Variants in IL13RA2 observed in about 807,000 individuals in gnomAD.
IL13RA2 encodes interleukin 13 receptor subunit alpha 2.
IL13RA2 carries 25 observed loss-of-function variants against 34.1 expected under a neutral mutation model. The observed-to-expected ratio is 0.73, with a 90% CI of 0.53 to 1.03. The LOEUF (loss-of-function observed/expected upper bound fraction) is 1.03. Ranked by LOEUF, IL13RA2 falls within the 50% of genes least tolerant of loss-of-function variation. The pLI is 0.00. For missense variants in IL13RA2, 297 were observed against 280.9 expected, an observed-to-expected ratio of 1.06 and a Z score of -0.41; for synonymous variants, 106 against 100.4, an observed-to-expected ratio of 1.06 and a Z score of -0.33.
intron 4 of IL13RA2, among the ~76,000 whole-genome samples, 193 bp from the exon 5 acceptor site, chrX:115,014,082 G>C (rs1556509250): frequency 8.9e-6 from 1 of 111,845 alleles, no homozygotes; most frequent in African/African-American, 3.2e-5. Context: ...AAAAACATTT[G>C]AGGGCTCATT....
Position 115,009,617 on chromosome X carries a change from A to G in IL13RA2, c.756T>C (p.Cys252=). The change falls in exon 7 of 10, where the codon TGT becomes TGC. Residue 252 remains cysteine, a synonymous_variant. Transcript: ENST00000243213. ...VYLTFTRESS[C]EIKLKWSIPL... ...GTATGCTCCATTTCAGCTTAATTTCACATGAACTCTCCCGAGTAAAAGTAA... is the reference window on the plus strand; with the variant it reads ...GTATGCTCCATTTCAGCTTAATTTCGCATGAACTCTCCCGAGTAAAAGTAA... The G allele has an allele frequency of 8.3e-7, 1 of 1,203,021 alleles. No homozygotes were observed. The highest frequency in any genetic ancestry group is 1.8e-5 in the South Asian group (1 of 56,719).
chrX:115,009,716 C>T (rs782009386), intron 6 of IL13RA2, 50 bp from the exon 7 acceptor site: 2 of 1,111,338 alleles, frequency 1.8e-6, no homozygotes, highest in Non-Finnish European at 1.2e-6. Flanking sequence ...TGAAGTTTAG[C>T]AGTAGCCTTT....
intron 7 of IL13RA2, 59 bp from the exon 8 acceptor site, chrX:115,008,135 T>C: frequency 1.4e-6 from 1 of 733,963 alleles, no homozygotes; most frequent in Non-Finnish European, 2.1e-6. Flanking sequence ...CTAGACAGAT[T>C]CCATATCTGT....
At chrX:115,012,619 G>A (rs1272619487) in intron 5 of IL13RA2, among the ~76,000 whole-genome samples, 2 of 111,031 alleles carry the variant, frequency 1.8e-5, no homozygotes, top group East Asian at 5.6e-4. Context: ...GCAAAAGTTA[G>A]CCAGGTGTGG....
At chrX:115,008,667 T>C (rs781878426) in intron 7 of IL13RA2, among the ~76,000 whole-genome samples, 1 of 111,973 alleles carries the variant, frequency 8.9e-6, no homozygotes, top group African/African-American at 3.2e-5. Context: ...GCTACAGTTA[T>C]GAGACTATCT....
At chrX:115,015,647 C>T (rs372420960) in intron 3 of IL13RA2, 23 bp downstream of exon 3, 15 of 1,179,437 alleles carry the variant, frequency 1.3e-5, no homozygotes, top group African/African-American at 1.1e-4. Context: ...CACTCTGATA[C>T]GGCAAATGCA....
intron 5 of IL13RA2, among the ~76,000 whole-genome samples, chrX:115,013,397 G>C (rs948379175): frequency 9.0e-6 from 1 of 111,316 alleles, no homozygotes; most frequent in Non-Finnish European, 1.9e-5. Context: ...AAGCTTCAGT[G>C]ACAGTTAACA....
At chrX:115,015,540 CG>C (rs2071723375) in intron 3 of IL13RA2, 129 bp downstream of exon 3, 3 of 532,155 alleles carry the variant, frequency 5.6e-6, no homozygotes, top group Non-Finnish European at 9.7e-6. Context: ...GAGACAGAAG[CG>C]GGTGTGGAAG....
chrX:115,014,412 T>G lies in IL13RA2; in HGVS notation c.400+9A>C, dbSNP rs2071718361. 8.7e-7 allele frequency: 1 copy of G among 1,153,862 alleles called. No individual in the cohort carries two copies. Among genetic ancestry groups the G allele is most frequent in the Non-Finnish European group, 1.2e-6 (1 of 852,608 alleles). ...AGTATTAAATATGAAAAGAGAGCTT[T>G]GTTTTAACCTTGTGGTGATATCCAA... is the stretch of plus-strand genomic sequence containing the variant. On this transcript the variant is annotated intron_variant, in intron 4 of 9. Transcript: ENST00000243213.
intron 6 of IL13RA2, among the ~76,000 whole-genome samples, chrX:115,010,210 T>G (rs1390147130): frequency 9.0e-6 from 1 of 111,194 alleles, no homozygotes; most frequent in Non-Finnish European, 1.9e-5. Flanking sequence ...AACCCAGGTC[T>G]GGCAGACTCT....
rs1039627101 is a variant in IL13RA2 at position 115,016,927 on chromosome X, G to A, written c.94+249C>T. On this transcript the variant is annotated intron_variant, in intron 2 of 9. Transcript: ENST00000243213. ...TAAAAAAGACTATACAAAAAGGTAT[G>A]GAGAGTGTTTTTAATTTGGCATTTA... 1.1e-4 allele frequency among the ~76,000 whole-genome samples: 12 copies of A among 110,106 alleles called. No individual in the cohort carries two copies. The Admixed American group carries it at 1.2e-3, about 11-fold the overall frequency.
At chrX:115,009,995 A>G (rs1184487655) in intron 6 of IL13RA2, among the ~76,000 whole-genome samples, 1 of 111,995 alleles carries the variant, frequency 8.9e-6, no homozygotes, top group Non-Finnish European at 1.9e-5. Flanking sequence ...CAATACTACT[A>G]CTTTTACAAA....
intron 7 of IL13RA2, among the ~76,000 whole-genome samples, chrX:115,008,797 C>G (rs1556508223): frequency 1.8e-5 from 2 of 111,816 alleles, no homozygotes; most frequent in Non-Finnish European, 3.8e-5. Context: ...CATAACTTAT[C>G]TTAGGAATCA....
rs1556506977 is a variant in IL13RA2, at chrX:115,004,035, T to C, written c.*45A>G. ...CTCATATTGAACATTTGGCCATGAC[T>C]GGAAACTGTTGAGTCAATACCATGT... On this transcript the variant is annotated 3_prime_UTR_variant, in exon 10 of 10. Transcript: ENST00000243213. 2.5e-6 allele frequency: 2 copies of C among 805,327 alleles called. No individual in the cohort carries two copies. The highest frequency in any genetic ancestry group is 2.5e-5 in the Admixed American group (1 of 40,054). 66.4% of individuals were successfully genotyped at this position (805,327 alleles called of 1,213,427 possible).
At position 115,007,040 on chromosome X, in the gene IL13RA2, T is replaced by C. The variant is rs1205394629; in HGVS notation, c.997+892A>G. Among the ~76,000 whole-genome samples, 3 of 111,991 alleles carry C rather than the reference T, an allele frequency of 2.7e-5. No individual in the cohort carries two copies. In the Admixed American group the frequency reaches 2.8e-4, roughly 11 times the overall value. On this transcript the variant is annotated intron_variant, in intron 8 of 9. Transcript: ENST00000243213. ...CGTTTATTGCCTATCTCTACCCAAT[T>C]GGAAATAAAATGTAAGTTCACTGAG...
intron 7 of IL13RA2, among the ~76,000 whole-genome samples, chrX:115,008,369 T>C (rs1024882278): frequency 8.9e-6 from 1 of 111,740 alleles, no homozygotes; most frequent in South Asian, 3.8e-4. Flanking sequence ...TTGGTGTTTA[T>C]AACACCCAGT....
intron 5 of IL13RA2, 142 bp from the exon 6 acceptor site, chrX:115,010,970 A>G: frequency 6.2e-6 from 2 of 324,686 alleles, no homozygotes; most frequent in Non-Finnish European, 1.1e-5. Flanking sequence ...CACCTACTAT[A>G]TGTCAGGCAC....
In IL13RA2 at chrX:115,015,819, T is replaced by C; in HGVS notation, c.97A>G (p.Asn33Asp). 1 of 1,144,694 alleles carries C rather than the reference T, an allele frequency of 8.7e-7. No homozygotes were observed. Among genetic ancestry groups the C allele is most frequent in the East Asian group, 3.0e-5 (1 of 33,326 alleles). The allele number at this position is 1,144,694 out of a possible 1,213,427, so 94.3% of individuals were successfully genotyped here. Residue 33 changes from asparagine (N) to aspartate (D), a missense_variant and splice_region_variant, in exon 3 of 10, where the codon AAC becomes GAC. Physicochemically the swap from Asn to Asp is conservative, Grantham distance 23. Coordinates refer to ENST00000243213, the MANE Select transcript of IL13RA2 (RefSeq NM_000640.3). ...ACTATCTCAAAATCCTGAGGAGGGT[T>C]AACTGAAATAAATCAATAAAACACT... ...TSSSDTEIKV[N>D]PPQDFEIVDP...
chrX:115,013,171 G>A (rs976753262), intron 5 of IL13RA2, among the ~76,000 whole-genome samples: 1 of 110,827 alleles, frequency 9.0e-6, no homozygotes, highest in Non-Finnish European at 1.9e-5. Flanking sequence ...AGATTGGAAG[G>A]GGAGAGATTG....
Sources: gnomAD v4.1 joint callset for allele counts (sites outside exome capture counted in the v4.1 genomes callset) on GRCh38, gnomAD v4.1.1 for gene constraint, MANE v1.5 for transcripts, NCBI Gene and HGNC (gene_info 2026-07-23, HGNC 2026-07-21) for gene names.